Variants in RPAP1 observed in about 807,000 individuals in gnomAD.
RPAP1 encodes RNA polymerase II associated protein 1, also known as RNA polymerase II-associated protein 1.
A neutral mutation model predicts 142.4 loss-of-function variants in RPAP1; 109 were observed. The observed-to-expected ratio is 0.77, with a 90% CI of 0.66 to 0.90. The LOEUF (loss-of-function observed/expected upper bound fraction) is 0.90. Among genes scored for constraint, RPAP1 ranks in the 40% least tolerant of loss-of-function variants. RPAP1 has a pLI of 0.00. For synonymous variants in RPAP1, 704 were observed against 738.9 expected (o/e 0.95, Z 0.77); for missense variants, 1,546 against 1,751.7 (o/e 0.88, Z 2.10).
chr15:41,543,997 T>G (rs1374729308), intron 1 of RPAP1: 1 of 152,170 alleles, frequency 6.6e-6, no homozygotes, highest in Non-Finnish European at 1.5e-5. Context: ...GGGCTCCAGT[T>G]AAGCCTCCTG....
chr15:41,536,641 C>T lies in RPAP1; in HGVS notation c.190G>A (p.Asp64Asn). The change falls in exon 3 of 25, where the codon GAT (aspartate) becomes AAT (asparagine). Residue 64 changes from aspartate (D) to asparagine (N), a missense_variant. Physicochemically the swap from Asp to Asn is conservative, Grantham distance 23. Transcript: ENST00000304330. ...GAAGGGACCAAAGCTGGGGGCAAAT[C>T]TGGGAGATCTGAGAAAGAAAAGATC... ...RDVVMLDNLP[D>N]LPPALVPSPP... The T allele has an allele frequency of 1.9e-6, 3 of 1,613,644 alleles. No individual in the cohort carries two copies. Among genetic ancestry groups the T allele is most frequent in the Non-Finnish European group, 2.5e-6 (3 of 1,179,980 alleles).
At chr15:41,543,191 C>G (rs1465015537) in intron 1 of RPAP1, among the ~76,000 whole-genome samples, 1 of 145,662 alleles carries the variant, frequency 6.9e-6, no homozygotes, top group South Asian at 2.2e-4. Context: ...GGCAAATTAT[C>G]AATGCTGTCC....
Position 41,537,155 on chromosome 15 carries a change from ACT to A in RPAP1, c.-32_-31del, listed in dbSNP as rs2051920951. On this transcript the variant is annotated 5_prime_UTR_variant, in exon 2 of 25. Coordinates refer to ENST00000304330, the MANE Select transcript of RPAP1 (RefSeq NM_015540.4). ...CTGCTCCAGCTGCCTCCCCAGTACGACTCTCTCCAGCAGTGTCTCCGTGTGGG... is the reference window on the plus strand; with the variant it reads ...CTGCTCCAGCTGCCTCCCCAGTACGACTCTCCAGCAGTGTCTCCGTGTGGG... 6.2e-7 allele frequency: 1 copy of A among 1,602,384 alleles called. No homozygotes were observed. The highest frequency in any genetic ancestry group is 8.5e-7 in the Non-Finnish European group (1 of 1,174,186).
At chr15:41,539,402 C>T (rs2051948653) in intron 1 of RPAP1, among the ~76,000 whole-genome samples, 1 of 152,102 alleles carries the variant, frequency 6.6e-6, no homozygotes, top group Non-Finnish European at 1.5e-5. Context: ...TCAAGTGATT[C>T]TCCTGCCTCA....
chr15:41,517,647 C>A lies in RPAP1; in HGVS notation c.4077G>T (p.Thr1359=). Residue 1359 remains threonine (T), a synonymous_variant, in exon 25 of 25, where the codon ACG becomes ACT. Transcript: ENST00000304330. The part of the protein sequence containing the change: ...HLLHYKLPNS[T]LPEGFELYSQ... ...AATAGAGCTCAAAGCCCTCTGGGAG[C>A]GTGGAATTGGGAAGCTTATAGTGCA... 6.2e-7 allele frequency: 1 copy of A among 1,612,496 alleles called. No individual in the cohort carries two copies. Among genetic ancestry groups the A allele is most frequent in the Non-Finnish European group, 8.5e-7 (1 of 1,179,092 alleles).
At chr15:41,532,022 A>ATT (rs1279380657) in intron 6 of RPAP1, among the ~76,000 whole-genome samples, 12 of 124,448 alleles carry the variant, frequency 9.6e-5, no homozygotes, top group Admixed American at 8.1e-5. Context: ...TATCTGGCTA[A>ATT]TTTTTTTTTT....
intron 22 of RPAP1, chr15:41,519,883 C>T (rs1474357204): frequency 6.0e-6 from 1 of 166,402 alleles, no homozygotes; most frequent in African/African-American, 2.4e-5. Context: ...AGGAGCTATG[C>T]CTTATTAATA....
chr15:41,524,215 C>T lies in RPAP1; in HGVS notation c.2115G>A (p.Val705=), dbSNP rs757114032. Reference sequence around the variant, plus strand: ...GTGGGTGGGTGCTGAGCTCCCGCGGCACCACCTGCAAGGCCCGCATCAGCA... The same window carrying T: ...GTGGGTGGGTGCTGAGCTCCCGCGGTACCACCTGCAAGGCCCGCATCAGCA... ...YPVLMRALQV[V]PRELSTHPPQ... The change falls in exon 16 of 25, where the codon GTG becomes GTA. Residue 705 remains valine (V), a synonymous_variant. Coordinates refer to ENST00000304330, the MANE Select transcript of RPAP1 (RefSeq NM_015540.4). 1.3e-5 allele frequency: 20 copies of T among 1,556,646 alleles called. No individual in the cohort carries two copies. The highest frequency in any genetic ancestry group is 1.5e-5 in the Non-Finnish European group (17 of 1,150,934).
At position 41,536,140 on chromosome 15, in the gene RPAP1, G is replaced by T. The variant is rs150279215; in HGVS notation, c.409C>A (p.Arg137=). Residue 137 remains arginine (R), a synonymous_variant, in exon 4 of 25, where the codon CGG becomes AGG. Coordinates refer to ENST00000304330, the MANE Select transcript of RPAP1 (RefSeq NM_015540.4). ...TTACCCTTGCCTACCTGTGTGTCCC[G>T]CGAGCGAAGGAACACAGCAGGGAAA... ...VAFPAVFLRS[R]DTQGKSATSG... is the part of the protein sequence containing the mutation. 5.0e-6 allele frequency: 8 copies of T among 1,613,814 alleles called. No homozygotes were observed. In the East Asian group the frequency reaches 1.6e-4, roughly 31 times the overall value.
chr15:41,532,456 C>T (rs969041609), intron 6 of RPAP1, among the ~76,000 whole-genome samples: 1 of 152,152 alleles, frequency 6.6e-6, no homozygotes, highest in Non-Finnish European at 1.5e-5. Context: ...AGGCACCATA[C>T]TGAGCCCTAA....
intron 7 of RPAP1, among the ~76,000 whole-genome samples, chr15:41,530,299 A>G (rs1388377583): frequency 6.6e-6 from 1 of 152,152 alleles, no homozygotes; most frequent in Non-Finnish European, 1.5e-5. Flanking sequence ...AGGACCACAT[A>G]TGTCAGGAAG....
chr15:41,531,619 ATATATATATTTTTTTTT>A (rs1354012804), intron 6 of RPAP1, among the ~76,000 whole-genome samples: 10 of 27,250 alleles, frequency 3.7e-4, no homozygotes, highest in Non-Finnish European at 4.2e-4. Flanking sequence ...ATATATATAT[ATATATATATTTTTTTTT>A]TTTTTTTTTT....
Sources: allele counts gnomAD v4.1 joint callset (sites outside exome capture counted in the v4.1 genomes callset), GRCh38; gene constraint gnomAD v4.1.1; transcripts MANE v1.5; gene names NCBI Gene and HGNC (gene_info 2026-07-23, HGNC 2026-07-21).